The following LRRC4C variants were observed in gnomAD, a reference collection of about 807,000 sequenced individuals.
LRRC4C encodes leucine-rich repeat-containing protein 4C.
Under a neutral mutation model 33.6 loss-of-function variants are expected in LRRC4C, and 5 were observed. The observed-to-expected ratio is 0.15, with a 90% CI of 0.08 to 0.31. The LOEUF (loss-of-function observed/expected upper bound fraction) is 0.31, where lower values mean the gene tolerates loss of function less well. LRRC4C is among the 10% of genes least tolerant of loss of function. LRRC4C has a pLI of 1.00. For missense variants in LRRC4C, 560 were observed against 796.7 expected (o/e 0.70, Z 3.58); for synonymous variants, 329 against 302.0 (o/e 1.09, Z -0.93).
intron 1 of LRRC4C, among the ~76,000 whole-genome samples, chr11:41,374,271 C>T (rs1933024367): frequency 6.6e-6 from 1 of 152,084 alleles, no homozygotes; most frequent in African/African-American, 2.4e-5. Flanking sequence ...ACCAAGTACA[C>T]TGAAATTATC....
At chr11:41,358,530 A>G (rs932777996) in intron 1 of LRRC4C, among the ~76,000 whole-genome samples, 2 of 152,202 alleles carry the variant, frequency 1.3e-5, no homozygotes, top group African/African-American at 4.8e-5. Context: ...CCAAAATTTC[A>G]AAGAACTCAA....
In LRRC4C at chr11:40,118,626, G is replaced by T. The variant is rs891809207; in HGVS notation, c.-42-2292C>A. The stretch of plus-strand genomic sequence containing the variant: ...GAAAGAAGGGCATTTTAAGCACAGA[G>T]GGATCAGCTGAACCAAGGCAAGCAG... On this transcript the variant is annotated intron_variant, in intron 6 of 6. Transcript: ENST00000528697. Among the ~76,000 whole-genome samples, 3 of 152,142 alleles carry T rather than the reference G, an allele frequency of 2.0e-5. No homozygotes were observed. In the East Asian group the frequency reaches 5.8e-4, roughly 29 times the overall value.
intron 1 of LRRC4C, among the ~76,000 whole-genome samples, chr11:41,056,901 G>A (rs148384011): frequency 7.2e-4 from 110 of 152,344 alleles, no homozygotes; most frequent in African/African-American, 2.5e-3. Flanking sequence ...GCTTCATGGA[G>A]CCAGCAGGAG....
intron 1 of LRRC4C, among the ~76,000 whole-genome samples, chr11:40,960,750 G>A (rs1387316206): frequency 6.6e-6 from 1 of 151,666 alleles, no homozygotes; most frequent in Middle Eastern, 3.2e-3. Context: ...AAACTTGGCT[G>A]TTTATTCCAA....
chr11:40,412,931 A>C (rs1489404227), intron 3 of LRRC4C, among the ~76,000 whole-genome samples: 1 of 152,112 alleles, frequency 6.6e-6, no homozygotes, highest in Non-Finnish European at 1.5e-5. Flanking sequence ...TCATTGTTAT[A>C]TTCAGAGAAA....
intron 1 of LRRC4C, among the ~76,000 whole-genome samples, chr11:41,075,009 A>G (rs1269284961): frequency 1.3e-4 from 2 of 14,852 alleles, no homozygotes; most frequent in East Asian, 2.5e-3. Context: ...ACAACCTTCA[A>G]TTTTCTTTTT....
intron 4 of LRRC4C, among the ~76,000 whole-genome samples, chr11:40,316,379 AC>A (rs1379584649): frequency 6.6e-6 from 1 of 152,022 alleles, no homozygotes; most frequent in African/African-American, 2.4e-5. Flanking sequence ...GCTGTTTGGA[AC>A]TTTACTTGTT....
chr11:40,572,083 A>G (rs1280223444), intron 3 of LRRC4C, among the ~76,000 whole-genome samples: 1 of 152,206 alleles, frequency 6.6e-6, no homozygotes, highest in East Asian at 1.9e-4. Flanking sequence ...TCGGTCCTAC[A>G]TTATAGGAAG....
intron 1 of LRRC4C, among the ~76,000 whole-genome samples, chr11:41,060,529 C>T (rs774092517): frequency 1.4e-4 from 22 of 152,018 alleles, no homozygotes; most frequent in Non-Finnish European, 7.4e-5. Flanking sequence ...TCTAGGTGTA[C>T]GCATATGGAG....
chr11:41,428,255 T>C (rs999432410), intron 1 of LRRC4C, among the ~76,000 whole-genome samples: 12 of 152,236 alleles, frequency 7.9e-5, no homozygotes, highest in African/African-American at 2.9e-4. Context: ...AATTTTTAAG[T>C]ATGTTTCTAA....
chr11:40,535,639 T>A (rs1225562337), intron 3 of LRRC4C, among the ~76,000 whole-genome samples: 1 of 152,242 alleles, frequency 6.6e-6, no homozygotes, highest in Non-Finnish European at 1.5e-5. Context: ...GGTTGTTGAA[T>A]GACTTGATTT....
intron 2 of LRRC4C, among the ~76,000 whole-genome samples, chr11:40,687,961 T>C (rs1945040634): frequency 6.7e-6 from 1 of 150,296 alleles, no homozygotes; most frequent in Non-Finnish European, 1.5e-5. Context: ...AAACAATATT[T>C]AAATAAGCAT....
At chr11:40,424,340 T>C (rs1950634462) in intron 3 of LRRC4C, among the ~76,000 whole-genome samples, 1 of 152,184 alleles carries the variant, frequency 6.6e-6, no homozygotes. Flanking sequence ...TTTCTCTATA[T>C]TGAAGAGCCT....
chr11:41,141,978 TA>T (rs932790282), intron 1 of LRRC4C, among the ~76,000 whole-genome samples: 81 of 147,792 alleles, frequency 5.5e-4, no homozygotes, highest in Admixed American at 1.1e-3. Context: ...ATGATACAGT[TA>T]AAAAAAAAAG....
rs1184491274 is a variant in LRRC4C at position 41,218,763 on chromosome 11, A to ATTT, written c.-496+240665_-496+240667dup. On this transcript the variant is annotated intron_variant, in intron 1 of 6. Coordinates refer to ENST00000528697, the MANE Select transcript of LRRC4C (RefSeq NM_001258419.2). The stretch of plus-strand genomic sequence containing the variant: ...ACTTTCATATGCATATGCATATGTC[A>ATTT]TTTTTTTTTTTTTTTTTTTTTTGAG... Among the ~76,000 whole-genome samples, 948 of 108,906 alleles carry ATTT rather than the reference A, an allele frequency of 8.7e-3. 10 individuals carry two copies. The highest frequency in any genetic ancestry group is 0.013 in the African/African-American group (352 of 27,836). 71.4% of individuals were successfully genotyped at this position (108,906 alleles called of 152,430 possible). A position where few individuals can be genotyped will look rare whatever the true frequency, so the allele number is the denominator to read the frequency against.
intron 2 of LRRC4C, among the ~76,000 whole-genome samples, chr11:40,848,401 A>T (rs1953304240): frequency 6.6e-6 from 1 of 151,986 alleles, no homozygotes. Context: ...TCCTTTCATT[A>T]TTTACCCAGT....
chr11:40,737,786 T>C (rs927254226), intron 2 of LRRC4C, among the ~76,000 whole-genome samples: 6 of 152,062 alleles, frequency 3.9e-5, no homozygotes, highest in Non-Finnish European at 8.8e-5. Flanking sequence ...GTGAAAATGG[T>C]CATACTGCCC....
At chr11:40,581,843 C>T (rs1473333438) in intron 3 of LRRC4C, among the ~76,000 whole-genome samples, 1 of 152,118 alleles carries the variant, frequency 6.6e-6, no homozygotes, top group Non-Finnish European at 1.5e-5. Context: ...GTGGAGGTTG[C>T]AGTGAGCCGA....
intron 2 of LRRC4C, among the ~76,000 whole-genome samples, chr11:40,867,390 C>T (rs1954419805): frequency 6.6e-6 from 1 of 152,168 alleles, no homozygotes; most frequent in South Asian, 2.1e-4. Context: ...TGACTGTAAA[C>T]TTGCAATAAT....
Sources: gnomAD v4.1 joint callset for allele counts (sites outside exome capture counted in the v4.1 genomes callset) on GRCh38, gnomAD v4.1.1 for gene constraint, MANE v1.5 for transcripts, NCBI Gene and HGNC (gene_info 2026-07-23, HGNC 2026-07-21) for gene names.